GPANK1: variants seen among roughly 807,000 people sequenced by gnomAD.
GPANK1 encodes G-patch domain and ankyrin repeats 1.
In GPANK1, 22 loss-of-function variants were observed where a neutral mutation model predicts 24.0. That is an observed-to-expected ratio of 0.92 (90% confidence interval 0.66 to 1.31). The LOEUF (loss-of-function observed/expected upper bound fraction) is 1.31, where lower values mean the gene tolerates loss of function less well. Among genes scored for constraint, GPANK1 ranks in the 50% most tolerant of loss-of-function variants. GPANK1 has a pLI of 0.00. For missense variants in GPANK1, 469 were observed against 453.5 expected, an observed-to-expected ratio of 1.03 and a Z score of -0.31; for synonymous variants, 174 against 177.4, an observed-to-expected ratio of 0.98 and a Z score of 0.15.
At chr6:31,665,719 G>C (rs3117579), upstream of GPANK1, 1 of 834,352 alleles carries the variant, frequency 1.2e-6, no homozygotes, top group Non-Finnish European at 1.8e-6. Context: ...CAGCAGCGCC[G>C]CGCCGGGACT....
At chr6:31,665,667 A>G, upstream of GPANK1, 1 of 837,994 alleles carries the variant, frequency 1.2e-6, no homozygotes, top group Non-Finnish European at 1.9e-6. Flanking sequence ...AACAGGCAAT[A>G]AGGACCCAGC....
In GPANK1 at chr6:31,662,338, C is replaced by T; in HGVS notation, c.999G>A (p.Glu333=). Residue 333 remains glutamate, a synonymous_variant, in exon 3 of 3, where the codon GAG becomes GAA. Coordinates refer to ENST00000375896, the MANE Select transcript of GPANK1 (RefSeq NM_033177.4). The surrounding 1 kb of genome is among the most constrained non-coding windows in gnomAD (Gnocchi z 5.5). ...PPRVATLSWR[E]ERRREEKDRA... ...TGTCTTTCTCCTCCCTCCTTCTCTCCTCCCTCCAGCTCAGTGTGGCCACCC... is the reference window on the plus strand; with the variant it reads ...TGTCTTTCTCCTCCCTCCTTCTCTCTTCCCTCCAGCTCAGTGTGGCCACCC... 6.2e-7 allele frequency: 1 copy of T among 1,606,766 alleles called. No homozygotes were observed. The highest frequency in any genetic ancestry group is 8.5e-7 in the Non-Finnish European group (1 of 1,176,098).
In GPANK1 at chr6:31,664,258, C is replaced by A. The variant is rs367920721; in HGVS notation, c.221G>T (p.Arg74Ile). Residue 74 changes from arginine to isoleucine, a missense_variant, in exon 2 of 3, where the codon AGA becomes ATA. By Grantham distance (97) the Arg-to-Ile change is moderately conservative. Coordinates refer to ENST00000375896, the MANE Select transcript of GPANK1 (RefSeq NM_033177.4). ...PARERKRKKR[R>I]IMKAPAAEAV... is the part of the protein sequence containing the mutation. ...TTCTGCTGCTGGTGCCTTCATTATT[C>A]TTCTTTTCTTTCTCTTTCTTTCTCT... 1.3e-5 allele frequency: 21 copies of A among 1,613,840 alleles called. No individual in the cohort carries two copies. Among genetic ancestry groups the A allele is most frequent in the Non-Finnish European group, 1.7e-5 (20 of 1,179,826 alleles).
In GPANK1 at chr6:31,664,114, C is replaced by G; in HGVS notation, c.365G>C (p.Arg122Thr). 9 of 1,614,234 alleles carry G rather than the reference C, an allele frequency of 5.6e-6. No individual in the cohort carries two copies. The highest frequency in any genetic ancestry group is 7.6e-6 in the Non-Finnish European group (9 of 1,180,028). ...TCCTGCCTCATGCGGTTCCAGCAGT[C>G]TCCTAAGTTCTGGCAGGTCCCCCTC... Reference protein sequence around the residue: ...AQEGDLPELRRLLEPHEAGGA... With the variant: ...AQEGDLPELRTLLEPHEAGGA... Residue 122 changes from arginine to threonine, a missense_variant, in exon 2 of 3, where the codon AGA becomes ACA. Transcript: ENST00000375896.
At chr6:31,666,224 T>G, upstream of GPANK1, 1 of 987,542 alleles carries the variant, frequency 1.0e-6, no homozygotes, top group Non-Finnish European at 1.2e-6. Flanking sequence ...TCTGAAGTCG[T>G]CGCTGCTCCG....
Position 31,662,609 on chromosome 6 carries a change from C to A in GPANK1, c.728G>T (p.Gly243Val). 6.2e-7 allele frequency: 1 copy of A among 1,612,840 alleles called. No individual in the cohort carries two copies. Residue 243 changes from glycine (G) to valine (V), a missense_variant, in exon 3 of 3, where the codon GGT (glycine) becomes GTT (valine). Transcript: ENST00000375896. This position sits in a 1 kb window ranked among gnomAD's most constrained non-coding sequence, Gnocchi z 5.5. ...STAHLLSLSQ[G>V]PQPPNLPLGV... ...AAGTGGAAGGTTGGGAGGCTGAGGA[C>A]CCTGCGACAGTGACAGCAGGTGAGC... is the stretch of plus-strand genomic sequence containing the variant.
chr6:31,662,472 G>C lies in GPANK1; in HGVS notation c.865C>G (p.Leu289Val), dbSNP rs1359681055. 1 of 1,611,720 alleles carries C rather than the reference G, an allele frequency of 6.2e-7. No individual in the cohort carries two copies. The highest frequency in any genetic ancestry group is 1.7e-4 in the Middle Eastern group (1 of 6,052). The change falls in exon 3 of 3, where the codon CTC (leucine) becomes GTC (valine). Residue 289 changes from leucine (L) to valine (V), a missense_variant. Physicochemically the swap from Leu to Val is conservative, Grantham distance 32. Coordinates refer to ENST00000375896, the MANE Select transcript of GPANK1 (RefSeq NM_033177.4). This position sits in a 1 kb window ranked among gnomAD's most constrained non-coding sequence, Gnocchi z 5.5. ...EGRANPIPTVLKRDQEGLGYR... is the reference protein window; with the variant it reads ...EGRANPIPTVVKRDQEGLGYR... ...CCTAGTCCTTCCTGGTCCCTCTTGA[G>C]GACAGTGGGGATGGGATTGGCACGG...
chr6:31,662,732 C>T lies in GPANK1; in HGVS notation c.627-22G>A, dbSNP rs1260255687. 6.7e-7 allele frequency: 1 copy of T among 1,483,388 alleles called. No individual in the cohort carries two copies. The highest frequency in any genetic ancestry group is 1.2e-5 in the South Asian group (1 of 81,336). 91.9% of individuals were successfully genotyped at this position (1,483,388 alleles called of 1,614,324 possible). On this transcript the variant is annotated intron_variant, in intron 2 of 2. Coordinates refer to ENST00000375896, the MANE Select transcript of GPANK1 (RefSeq NM_033177.4). The surrounding 1 kb of genome is among the most constrained non-coding windows in gnomAD (Gnocchi z 5.5). ...AGACCTGCAGAGAAAGAAGAAAAAGCATTAAGGGCAGGGGAAGGAAAAGGG... is the reference window on the plus strand; with the variant it reads ...AGACCTGCAGAGAAAGAAGAAAAAGTATTAAGGGCAGGGGAAGGAAAAGGG...
chr6:31,666,152 G>T, upstream of GPANK1: 7 of 990,628 alleles, frequency 7.1e-6, no homozygotes, highest in Non-Finnish European at 8.4e-6. Flanking sequence ...GGTCGCCGCC[G>T]TTCCCTGGAA....
chr6:31,665,133 T>A, upstream of GPANK1: 3 of 423,424 alleles, frequency 7.1e-6, no homozygotes, highest in Non-Finnish European at 1.3e-5. Flanking sequence ...GGGTTCAGTT[T>A]CCCGCGCTGG....
chr6:31,665,082 C>A, upstream of GPANK1: 1 of 340,724 alleles, frequency 2.9e-6, no homozygotes, highest in Non-Finnish European at 5.6e-6. Context: ...ACAAAAACCA[C>A]AACCCACATT....
At chr6:31,666,106 G>T (rs925505242), upstream of GPANK1, 14 of 990,588 alleles carry the variant, frequency 1.4e-5, no homozygotes, top group African/African-American at 2.1e-4. Context: ...ACCCCACTTC[G>T]CCTGCCGCGG....
chr6:31,666,149 G>A, upstream of GPANK1: 2 of 989,840 alleles, frequency 2.0e-6, no homozygotes, highest in Non-Finnish European at 2.4e-6. Context: ...AGCGGTCGCC[G>A]CCGTTCCCTG....
intron 2 of GPANK1, 124 bp downstream of exon 2, chr6:31,663,729 C>T: frequency 2.8e-6 from 4 of 1,416,394 alleles, no homozygotes; most frequent in Non-Finnish European, 3.7e-6. Context: ...CTATACTACC[C>T]TGTCAACCTA....
At chr6:31,665,860 C>T (rs1801615534), upstream of GPANK1, 2 of 1,131,868 alleles carry the variant, frequency 1.8e-6, no homozygotes, top group Admixed American at 7.9e-5. Flanking sequence ...GAACGCCATA[C>T]CTGGCTTCCG....
upstream of GPANK1, chr6:31,665,798 A>G (rs1363449407): frequency 8.5e-7 from 1 of 1,173,618 alleles, no homozygotes; most frequent in East Asian, 3.1e-5. Flanking sequence ...GCCCTAAGTC[A>G]GCCTCTTCAC....
chr6:31,665,653 G>C, upstream of GPANK1: 7 of 872,660 alleles, frequency 8.0e-6, no homozygotes, highest in Non-Finnish European at 1.3e-5. Flanking sequence ...CGCACTAGGG[G>C]CCCAACAGGC....
At chr6:31,665,594 A>G, upstream of GPANK1, 2 of 1,130,838 alleles carry the variant, frequency 1.8e-6, no homozygotes, top group Middle Eastern at 2.7e-4. Context: ...ATGAGGCAGG[A>G]GCCCGGAGGA....
chr6:31,665,759 G>C, upstream of GPANK1: 1 of 971,534 alleles, frequency 1.0e-6, no homozygotes. Flanking sequence ...GCTGCGGAAA[G>C]AGATCCAGCC....
Sources: gnomAD v4.1 joint callset for allele counts on GRCh38, gnomAD v4.1.1 for gene constraint, Gnocchi (gnomAD v3.1) non-coding constraint, MANE v1.5 for transcripts, NCBI Gene and HGNC (gene_info 2026-07-23, HGNC 2026-07-21) for gene names.